The following SLITRK3 variants were observed in gnomAD, a reference collection of about 807,000 sequenced individuals.
The protein encoded by SLITRK3 is SLIT and NTRK-like protein 3.
Under a neutral mutation model 63.6 loss-of-function variants are expected in SLITRK3, and 16 were observed. The observed-to-expected ratio is 0.25, with a 90% CI of 0.17 to 0.38. SLITRK3 has a LOEUF of 0.38. Among genes scored for constraint, SLITRK3 ranks in the 10% least tolerant of loss-of-function variants. SLITRK3 has a pLI of 1.00. For missense variants in SLITRK3, 1,117 were observed against 1,181.4 expected (o/e 0.95, Z 0.80); for synonymous variants, 547 against 451.6 (o/e 1.21, Z -2.68).
chr3:165,188,511 T>A lies in SLITRK3; in HGVS notation c.2320A>T (p.Ser774Cys). ...VAVSSAQEAG[S>C]AERGGPGTQP... ...GTCCCTGGACCCCCACGTTCTGCACTCCCTGCTTCTTGGGCTGATGAAACA... is the reference window on the plus strand; with the variant it reads ...GTCCCTGGACCCCCACGTTCTGCACACCCTGCTTCTTGGGCTGATGAAACA... Residue 774 changes from serine (S) to cysteine (C), a missense_variant, in exon 2 of 2, where the codon AGT becomes TGT. Coordinates refer to ENST00000475390, the MANE Select transcript of SLITRK3 (RefSeq NM_001318810.2). 6.2e-7 allele frequency: 1 copy of A among 1,613,972 alleles called. No individual in the cohort carries two copies. The highest frequency in any genetic ancestry group is 1.1e-5 in the South Asian group (1 of 91,058).
chr3:165,189,163 C>T lies in SLITRK3; in HGVS notation c.1668G>A (p.Gln556=). The stretch of plus-strand genomic sequence containing the variant: ...CCCAAGGATTCTCATTGAGGTCTAT[C>T]TGGACAATGGCATTCAAGTGTTCCA... ...GVLEHLNAIV[Q]IDLNENPWDC... Residue 556 remains glutamine (Q), a synonymous_variant, in exon 2 of 2, where the codon CAG becomes CAA. Coordinates refer to ENST00000475390, the MANE Select transcript of SLITRK3 (RefSeq NM_001318810.2). The surrounding 1 kb of genome is among the most constrained non-coding windows in gnomAD (Gnocchi z 4.0). 1 of 1,614,182 alleles carries T rather than the reference C, an allele frequency of 6.2e-7. No homozygotes were observed. Among genetic ancestry groups the T allele is most frequent in the East Asian group, 2.2e-5 (1 of 44,874 alleles).
At position 165,190,741 on chromosome 3, in the gene SLITRK3, C is replaced by T. The variant is rs76663597; in HGVS notation, c.90G>A (p.Pro30=). The T allele has an allele frequency of 9.3e-3, 15,066 of 1,613,930 alleles. 111 individuals carry two copies. The highest frequency in any genetic ancestry group is 0.024 in the South Asian group (2,219 of 91,058). The stretch of plus-strand genomic sequence containing the variant: ...CCTCTGAGTCCTCTATTAGGGGAAT[C>T]GGGGTAGTCCATCCTAGAGCAATTG... ...LSTIALGWTT[P]IPLIEDSEEI... The change falls in exon 2 of 2, where the codon CCG becomes CCA. Residue 30 remains proline, a synonymous_variant. Coordinates refer to ENST00000475390, the MANE Select transcript of SLITRK3 (RefSeq NM_001318810.2).
At position 165,190,495 on chromosome 3, in the gene SLITRK3, T is replaced by A; in HGVS notation, c.336A>T (p.Ala112=). 1 of 1,613,974 alleles carries A rather than the reference T, an allele frequency of 6.2e-7. No individual in the cohort carries two copies. Among genetic ancestry groups the A allele is most frequent in the African/African-American group, 1.3e-5 (1 of 75,056 alleles). ...AAGCTCCAGTCTGAATGTCCTGCAA[T>A]GCATTGTTCCCAAGATTAATAGACA... ...NAVSINLGNN[A]LQDIQTGAFN... Residue 112 remains alanine, a synonymous_variant, in exon 2 of 2, where the codon GCA becomes GCT. Coordinates refer to ENST00000475390, the MANE Select transcript of SLITRK3 (RefSeq NM_001318810.2).
In SLITRK3 at chr3:165,187,770, G is replaced by T; in HGVS notation, c.*127C>A. The T allele has an allele frequency of 1.3e-6, 1 of 752,616 alleles. No individual in the cohort carries two copies. The highest frequency in any genetic ancestry group is 2.1e-6 in the Non-Finnish European group (1 of 470,708). 46.6% of individuals were successfully genotyped at this position (752,616 alleles called of 1,614,324 possible). On this transcript the variant is annotated 3_prime_UTR_variant, in exon 2 of 2. Coordinates refer to ENST00000475390, the MANE Select transcript of SLITRK3 (RefSeq NM_001318810.2). ...CTAGTTATCATGCGGTTTTAGTTTT[G>T]TTCAGGGTAGGAAAGATCGTGAGGA...
chr3:165,194,026 C>T (rs1367633203), intron 1 of SLITRK3, among the ~76,000 whole-genome samples: 2 of 152,062 alleles, frequency 1.3e-5, no homozygotes, highest in Admixed American at 6.5e-5. Flanking sequence ...AGGAATGCAG[C>T]TTGGTGGGGA....
At position 165,189,915 on chromosome 3, in the gene SLITRK3, A is replaced by G; in HGVS notation, c.916T>C (p.Trp306Arg). Reference sequence around the variant, plus strand: ...AGCATTGAGGAAGGCTTAGTTGGCCATGCATTCTCCTTACTTGATGACGAA... The same window carrying G: ...AGCATTGAGGAAGGCTTAGTTGGCCGTGCATTCTCCTTACTTGATGACGAA... ...PHSSSSKENAWPTKPSSMLSS... is the reference protein window; with the variant it reads ...PHSSSSKENARPTKPSSMLSS... The change falls in exon 2 of 2, where the codon TGG becomes CGG. Residue 306 changes from tryptophan (W) to arginine (R), a missense_variant. Physicochemically the swap from Trp to Arg is moderately radical, Grantham distance 101. This residue lies in a region of SLITRK3 where 452 missense variants were observed against 495.3 expected (regional missense o/e 0.91). Transcript: ENST00000475390. This position sits in a 1 kb window ranked among gnomAD's most constrained non-coding sequence, Gnocchi z 4.0. 6.2e-7 allele frequency: 1 copy of G among 1,614,176 alleles called. No homozygotes were observed. Among genetic ancestry groups the G allele is most frequent in the African/African-American group, 1.3e-5 (1 of 75,042 alleles).
rs754365335 is a variant in SLITRK3, at chr3:165,189,125, T to A, written c.1706A>T (p.Asp569Val). 1 of 1,614,150 alleles carries A rather than the reference T, an allele frequency of 6.2e-7. No homozygotes were observed. The change falls in exon 2 of 2, where the codon GAC becomes GTC. Residue 569 changes from aspartate (D) to valine (V), a missense_variant. Coordinates refer to ENST00000475390, the MANE Select transcript of SLITRK3 (RefSeq NM_001318810.2). This position sits in a 1 kb window ranked among gnomAD's most constrained non-coding sequence, Gnocchi z 4.0. ...LNENPWDCTC[D>V]LVPFKQWIET... ...GATCCACTGTTTAAAGGGGACCAGGTCACAGGTGCAGTCCCAAGGATTCTC... is the reference window on the plus strand; with the variant it reads ...GATCCACTGTTTAAAGGGGACCAGGACACAGGTGCAGTCCCAAGGATTCTC...
intron 1 of SLITRK3, among the ~76,000 whole-genome samples, chr3:165,192,321 T>G (rs1718259626): frequency 6.6e-6 from 1 of 152,096 alleles, no homozygotes; most frequent in Non-Finnish European, 1.5e-5. Context: ...TTAAAAACAA[T>G]TCAGTGAAAA....
Position 165,188,401 on chromosome 3 carries a change from G to T in SLITRK3, c.2430C>A (p.Thr810=). 1 of 1,613,922 alleles carries T rather than the reference G, an allele frequency of 6.2e-7. No individual in the cohort carries two copies. The part of the protein sequence containing the change: ...TPKENHSNYR[T]LLEKEKEWAL... The stretch of plus-strand genomic sequence containing the variant: ...CCCACTCCTTCTCTTTTTCCAGCAA[G>T]GTCCGGTAGTTACTATGGTTCTCCT... The change falls in exon 2 of 2, where the codon ACC becomes ACA. Residue 810 remains threonine, a synonymous_variant. Coordinates refer to ENST00000475390, the MANE Select transcript of SLITRK3 (RefSeq NM_001318810.2).
upstream of SLITRK3, chr3:165,196,734 C>T: frequency 6.6e-6 from 1 of 152,234 alleles, no homozygotes; most frequent in East Asian, 1.9e-4. Context: ...CCCAGATCAG[C>T]CCATCGCCGG....
Position 165,189,265 on chromosome 3 carries a change from G to T in SLITRK3, c.1566C>A (p.Asp522Glu). 6.2e-7 allele frequency: 1 copy of T among 1,614,190 alleles called. No individual in the cohort carries two copies. The highest frequency in any genetic ancestry group is 8.5e-7 in the Non-Finnish European group (1 of 1,180,028). ...NNNLLRTLPT[D>E]AFAGTSLARL... ...GGGCCAGGGATGTGCCAGCAAAGGCGTCTGTTGGCAGAGTCCTCAGTAAGT... is the reference window on the plus strand; with the variant it reads ...GGGCCAGGGATGTGCCAGCAAAGGCTTCTGTTGGCAGAGTCCTCAGTAAGT... Residue 522 changes from aspartate (D) to glutamate (E), a missense_variant, in exon 2 of 2, where the codon GAC becomes GAA. Asp to Glu is a conservative substitution (Grantham distance 45). This residue lies in a region of SLITRK3 where 158 missense variants were observed against 197.2 expected (regional missense o/e 0.80). Transcript: ENST00000475390. This position sits in a 1 kb window ranked among gnomAD's most constrained non-coding sequence, Gnocchi z 4.0.
In SLITRK3 at chr3:165,187,939, C is replaced by T. The variant is rs781561672; in HGVS notation, c.2892G>A (p.Pro964=). The T allele has an allele frequency of 9.9e-6, 16 of 1,613,424 alleles. No homozygotes were observed. The highest frequency in any genetic ancestry group is 2.7e-5 in the African/African-American group (2 of 74,732). Residue 964 remains proline, a synonymous_variant, in exon 2 of 2, where the codon CCG becomes CCA. Coordinates refer to ENST00000475390, the MANE Select transcript of SLITRK3 (RefSeq NM_001318810.2). ...LELRAKLQTK[P]DYLEVLEKTT... is the part of the protein sequence containing the mutation. ...TCTTCTCCAGGACTTCGAGGTAATC[C>T]GGCTTGGTTTGAAGTTTGGCCCTTA...
Position 165,189,605 on chromosome 3 carries a change from T to C in SLITRK3, c.1226A>G (p.Asn409Ser), listed in dbSNP as rs1472960031. 6.2e-7 allele frequency: 1 copy of C among 1,614,066 alleles called. No individual in the cohort carries two copies. The highest frequency in any genetic ancestry group is 8.5e-7 in the Non-Finnish European group (1 of 1,180,046). Residue 409 changes from asparagine to serine, a missense_variant, in exon 2 of 2, where the codon AAT becomes AGT. Asn to Ser is a conservative substitution (Grantham distance 46). Coordinates refer to ENST00000475390, the MANE Select transcript of SLITRK3 (RefSeq NM_001318810.2). The surrounding 1 kb of genome is among the most constrained non-coding windows in gnomAD (Gnocchi z 4.0). ...NISELLPRPL[N>S]AKKLYLSSNL... The stretch of plus-strand genomic sequence containing the variant: ...GCTACTCAGATACAGTTTCTTGGCA[T>C]TCAAGGGCCTTGGAAGAAGTTCAGA...
In SLITRK3 at chr3:165,188,127, A is replaced by G. The variant is rs1197070850; in HGVS notation, c.2704T>C (p.Cys902Arg). 1.2e-6 allele frequency: 2 copies of G among 1,613,334 alleles called. No homozygotes were observed. The highest frequency in any genetic ancestry group is 1.7e-6 in the Non-Finnish European group (2 of 1,179,764). The change falls in exon 2 of 2, where the codon TGT becomes CGT. Residue 902 changes from cysteine to arginine, a missense_variant. Transcript: ENST00000475390. ...AATTTGGGCACTGTTCCATAGAGAC[A>G]GTCCACAAATCCCACTGTGCAGGGG... ...PAPCTVGFVDCLYGTVPKLKE... is the reference protein window; with the variant it reads ...PAPCTVGFVDRLYGTVPKLKE...
At chr3:165,196,979 T>TCG (rs1718463324), upstream of SLITRK3, 1 of 151,972 alleles carries the variant, frequency 6.6e-6, no homozygotes, top group Non-Finnish European at 1.5e-5. Flanking sequence ...GCTCTCGCTC[T>TCG]CTCTCTCTCG....
At chr3:165,196,899 C>CTCTCTCTCTCTCTCTCTCTG (rs1718452439), upstream of SLITRK3, 1 of 119,424 alleles carries the variant, frequency 8.4e-6, no homozygotes, top group Non-Finnish European at 1.6e-5. Flanking sequence ...CTCTCTCTGT[C>CTCTCTCTCTCTCTCTCTCTG]TCTCTCTCTC....
chr3:165,192,335 G>A (rs1488454846), intron 1 of SLITRK3, among the ~76,000 whole-genome samples: 1 of 152,106 alleles, frequency 6.6e-6, no homozygotes, highest in Non-Finnish European at 1.5e-5. Flanking sequence ...GTGAAAAAGA[G>A]GGAGAGAGAA....
At chr3:165,193,915 A>G (rs1349087692) in intron 1 of SLITRK3, among the ~76,000 whole-genome samples, 1 of 152,126 alleles carries the variant, frequency 6.6e-6, no homozygotes, top group Non-Finnish European at 1.5e-5. Context: ...TTGAAGGAAG[A>G]TATTGTATTG....
chr3:165,196,826 C>G (rs913134514), upstream of SLITRK3: 1 of 150,710 alleles, frequency 6.6e-6, no homozygotes, highest in African/African-American at 2.4e-5. Context: ...GTCCTCTCGC[C>G]GCGCATCGCA....
Sources: allele counts gnomAD v4.1 joint callset (sites outside exome capture counted in the v4.1 genomes callset), GRCh38; gene constraint gnomAD v4.1.1; regional missense constraint gnomAD v4.1.1; non-coding constraint Gnocchi (gnomAD v3.1); transcripts MANE v1.5; gene names NCBI Gene and HGNC (gene_info 2026-07-23, HGNC 2026-07-21).